Variants in FAM184B observed in about 807,000 individuals in gnomAD.
FAM184B encodes the protein family with sequence similarity 184 member B.
In FAM184B, 111 loss-of-function variants were observed where a neutral mutation model predicts 135.9. That is an observed-to-expected ratio of 0.82 (90% CI 0.70 to 0.96). FAM184B has a LOEUF of 0.96. FAM184B is among the 40% of genes least tolerant of loss of function. The probability of loss-of-function intolerance (pLI) is 0.00; values close to 1 mark genes in which losing one functional copy is unlikely to be tolerated. For missense variants in FAM184B, 1,375 were observed against 1,323.9 expected, an observed-to-expected ratio of 1.04 and a Z score of -0.60; for synonymous variants, 552 against 524.8, an observed-to-expected ratio of 1.05 and a Z score of -0.71.
intron 8 of FAM184B, among the ~76,000 whole-genome samples, chr4:17,663,279 G>A (rs1461416126): frequency 6.6e-6 from 1 of 151,944 alleles, no homozygotes; most frequent in African/African-American, 2.4e-5. Context: ...TGAGTATTTT[G>A]TCCATTTAAA....
intron 1 of FAM184B, among the ~76,000 whole-genome samples, chr4:17,738,135 A>G (rs1354609935): frequency 2.0e-5 from 3 of 152,116 alleles, no homozygotes; most frequent in Non-Finnish European, 4.4e-5. Flanking sequence ...AGTGATTGGC[A>G]TAGGATGGGC....
At chr4:17,664,831 T>G (rs942594866) in intron 7 of FAM184B, among the ~76,000 whole-genome samples, 172 bp from the exon 8 acceptor site, 5 of 152,132 alleles carry the variant, frequency 3.3e-5, no homozygotes, top group African/African-American at 1.2e-4. Context: ...GATGATGACG[T>G]GACTAGAACA....
At chr4:17,747,919 TCAAAAA>T (rs1289601743) in intron 1 of FAM184B, among the ~76,000 whole-genome samples, 1 of 6,108 alleles carries the variant, frequency 1.6e-4, no homozygotes, top group Non-Finnish European at 6.9e-4. Context: ...AGACTCTGTC[TCAAAAA>T]AAAAAAAAAA....
intron 1 of FAM184B, among the ~76,000 whole-genome samples, chr4:17,723,713 T>C (rs1391626643): frequency 6.6e-6 from 1 of 152,118 alleles, no homozygotes; most frequent in East Asian, 1.9e-4. Context: ...AGAAAATGAT[T>C]CCAGAAATGT....
At chr4:17,724,053 C>T (rs1476915809) in intron 1 of FAM184B, among the ~76,000 whole-genome samples, 3 of 152,010 alleles carry the variant, frequency 2.0e-5, no homozygotes, top group African/African-American at 7.2e-5. Context: ...TCAAAAACCA[C>T]TTGTACCCCT....
At position 17,642,088 on chromosome 4, in the gene FAM184B, C is replaced by G; in HGVS notation, c.2487G>C (p.Gln829His). 1.3e-6 allele frequency: 2 copies of G among 1,532,488 alleles called. No individual in the cohort carries two copies. Among genetic ancestry groups the G allele is most frequent in the Non-Finnish European group, 1.7e-6 (2 of 1,145,254 alleles). The allele number at this position is 1,532,488 out of a possible 1,614,324, so 94.9% of individuals were successfully genotyped here. ...RRLRAEVEQH[Q>H]QEAQKLRDQR... Reference sequence around the variant, plus strand: ...GGTCTCGGAGCTTCTGCGCCTCCTGCTGATGCTGCTCCACCTCCGCGCGCA... The same window carrying G: ...GGTCTCGGAGCTTCTGCGCCTCCTGGTGATGCTGCTCCACCTCCGCGCGCA... Residue 829 changes from glutamine (Q) to histidine (H), a missense_variant, in exon 13 of 18, where the codon CAG becomes CAC. Physicochemically the swap from Gln to His is conservative, Grantham distance 24. Transcript: ENST00000265018.
At chr4:17,774,304 G>A (rs1161033706) in intron 1 of FAM184B, among the ~76,000 whole-genome samples, 1 of 152,188 alleles carries the variant, frequency 6.6e-6, no homozygotes, top group Non-Finnish European at 1.5e-5. Context: ...GGAGGCAGAG[G>A]TTGCAGTGAG....
At chr4:17,733,482 A>G (rs1331163344) in intron 1 of FAM184B, among the ~76,000 whole-genome samples, 1 of 152,250 alleles carries the variant, frequency 6.6e-6, no homozygotes, top group Non-Finnish European at 1.5e-5. Flanking sequence ...AACTTCAGCA[A>G]AGTCTCAGGG....
intron 14 of FAM184B, among the ~76,000 whole-genome samples, chr4:17,638,957 C>T (rs1330866291): frequency 2.0e-5 from 3 of 152,204 alleles, no homozygotes; most frequent in Non-Finnish European, 4.4e-5. Flanking sequence ...CTGCCTCAGC[C>T]TCCAGAGTAG....
intron 1 of FAM184B, among the ~76,000 whole-genome samples, chr4:17,730,139 G>A (rs1717741600): frequency 6.6e-6 from 1 of 152,224 alleles, no homozygotes; most frequent in African/African-American, 2.4e-5. Context: ...AGGAGCCAAT[G>A]TGATCAACTG....
At chr4:17,742,216 G>A (rs1172943229) in intron 1 of FAM184B, among the ~76,000 whole-genome samples, 13 of 142,488 alleles carry the variant, frequency 9.1e-5, no homozygotes, top group East Asian at 2.0e-4. Context: ...GTCTGTAATC[G>A]CAGCACTTTG....
At chr4:17,694,236 T>C (rs1385413773) in intron 5 of FAM184B, among the ~76,000 whole-genome samples, 4 of 151,170 alleles carry the variant, frequency 2.6e-5, no homozygotes, top group Admixed American at 1.3e-4. Context: ...ATAATTCTCA[T>C]AGAGGGGCCA....
At chr4:17,649,774 CTCA>C (rs1286806781) in intron 11 of FAM184B, among the ~76,000 whole-genome samples, 1 of 152,074 alleles carries the variant, frequency 6.6e-6, no homozygotes, top group African/African-American at 2.4e-5. Context: ...ACCCTCCTCT[CTCA>C]TACCTTCCCA....
intron 1 of FAM184B, among the ~76,000 whole-genome samples, chr4:17,752,086 G>T (rs1560193359): frequency 6.6e-6 from 1 of 152,016 alleles, no homozygotes; most frequent in Non-Finnish European, 1.5e-5. Flanking sequence ...AGGAGCTCTT[G>T]GTATACAATG....
chr4:17,663,944 C>T (rs1202432391), intron 8 of FAM184B, among the ~76,000 whole-genome samples: 1 of 151,694 alleles, frequency 6.6e-6, no homozygotes, highest in Non-Finnish European at 1.5e-5. Context: ...TAAGATATGC[C>T]TGCTTCCCCT....
intron 6 of FAM184B, among the ~76,000 whole-genome samples, chr4:17,690,573 A>G (rs1256700420): frequency 1.3e-5 from 2 of 152,226 alleles, no homozygotes. Flanking sequence ...CTCTAGCAAC[A>G]TTGCAGGGGA....
At chr4:17,644,810 G>A (rs527765201) in intron 12 of FAM184B, among the ~76,000 whole-genome samples, 2,499 of 152,256 alleles carry the variant, frequency 0.016, 81 homozygotes, top group African/African-American at 0.056. Context: ...GTTTGCAGAC[G>A]ACATGATTGT....
intron 1 of FAM184B, among the ~76,000 whole-genome samples, chr4:17,751,968 CA>C (rs1718306602): frequency 6.9e-6 from 1 of 145,798 alleles, no homozygotes; most frequent in Admixed American, 6.9e-5. Context: ...CAGGAAAGAT[CA>C]GGAAAAAAAA....
chr4:17,695,155 C>CTGGGTTTT (rs141899736), intron 5 of FAM184B, among the ~76,000 whole-genome samples: 19 of 135,182 alleles, frequency 1.4e-4, no homozygotes, highest in East Asian at 4.0e-4. Context: ...TACTGTTTTT[C>CTGGGTTTT]TTTGTTGTTT....
Sources: gnomAD v4.1 joint callset for allele counts (sites outside exome capture counted in the v4.1 genomes callset) on GRCh38, gnomAD v4.1.1 for gene constraint, MANE v1.5 for transcripts, NCBI Gene and HGNC (gene_info 2026-07-23, HGNC 2026-07-21) for gene names.